Variants in SH2B2 observed in about 807,000 individuals in gnomAD.
SH2B2 encodes SH2B adapter protein 2.
SH2B2 carries 37 observed loss-of-function variants against 35.7 expected under a neutral mutation model. The observed-to-expected ratio is 1.04, with a 90% confidence interval of 0.80 to 1.36. SH2B2 has a LOEUF of 1.36. Ranked by LOEUF, SH2B2 falls within the 40% of genes most tolerant of loss-of-function variation. The probability of loss-of-function intolerance (pLI) is 0.00; values close to 1 mark genes in which losing one functional copy is unlikely to be tolerated. For missense variants in SH2B2, 852 were observed against 817.7 expected, an observed-to-expected ratio of 1.04 and a Z score of -0.51; for synonymous variants, 383 against 376.4, an observed-to-expected ratio of 1.02 and a Z score of -0.20.
intron 1 of SH2B2, among the ~76,000 whole-genome samples, chr7:102,289,145 C>T (rs1554551338): frequency 1.3e-5 from 2 of 152,204 alleles, no homozygotes; most frequent in Non-Finnish European, 2.9e-5. Context: ...CAGAGCAAGG[C>T]AGGGCATCGC....
chr7:102,288,791 A>G (rs1228039088), intron 1 of SH2B2, among the ~76,000 whole-genome samples: 1 of 152,098 alleles, frequency 6.6e-6, no homozygotes, highest in Non-Finnish European at 1.5e-5. Flanking sequence ...ATCCCCACAC[A>G]CTTAGGGAGG....
chr7:102,301,457 C>T (rs1441705006), intron 2 of SH2B2, among the ~76,000 whole-genome samples, 178 bp downstream of exon 2: 5 of 152,122 alleles, frequency 3.3e-5, no homozygotes, highest in Non-Finnish European at 5.9e-5. Flanking sequence ...ACAAGTCACC[C>T]CTTCAACCCC....
At chr7:102,302,153 G>A (rs1793219494) in intron 2 of SH2B2, among the ~76,000 whole-genome samples, 1 of 152,238 alleles carries the variant, frequency 6.6e-6, no homozygotes, top group African/African-American at 2.4e-5. Context: ...GAGCCACTGT[G>A]CCCAGCCCAG....
chr7:102,313,986 T>G (rs1793721685), intron 4 of SH2B2, among the ~76,000 whole-genome samples: 1 of 152,160 alleles, frequency 6.6e-6, no homozygotes, highest in South Asian at 2.1e-4. Context: ...GTGACCCACC[T>G]TGGGAAAAAG....
At position 102,301,309 on chromosome 7, in the gene SH2B2, G is replaced by A. The variant is rs371614763; in HGVS notation, c.729+30G>A. The A allele has an allele frequency of 2.7e-5, 43 of 1,579,078 alleles. No individual in the cohort carries two copies. In the East Asian group the frequency reaches 9.6e-4, roughly 35 times the overall value. ...GTTACCCCATAATCCCACCTAGCCT[G>A]GGGGGACCAGAGGAGGCACCTGGGC... On this transcript the variant is annotated intron_variant, in intron 2 of 8. Transcript: ENST00000444095.
chr7:102,296,426 C>G (rs1267519147), intron 1 of SH2B2, among the ~76,000 whole-genome samples: 1 of 152,190 alleles, frequency 6.6e-6, no homozygotes, highest in East Asian at 1.9e-4. Context: ...CGCTTGTCCC[C>G]CAACACTAAG....
rs782601903 is a variant in SH2B2 at position 102,320,327 on chromosome 7, A to C, written c.1396-4A>C. 19 of 1,609,088 alleles carry C rather than the reference A, an allele frequency of 1.2e-5. No individual in the cohort carries two copies. In the Middle Eastern group the frequency reaches 6.6e-4, roughly 56 times the overall value. On this transcript the variant is annotated splice_region_variant and splice_polypyrimidine_tract_variant and intron_variant, in intron 7 of 8. Transcript: ENST00000444095. ...CCCCTGACCACACCCACCTGTACCC[A>C]CAGCACCTGCGCCTGTCCCTGAACG...
chr7:102,300,548 G>C lies in SH2B2; in HGVS notation c.-3G>C. 6.5e-7 allele frequency: 1 copy of C among 1,543,778 alleles called. No individual in the cohort carries two copies. Among genetic ancestry groups the C allele is most frequent in the Non-Finnish European group, 8.7e-7 (1 of 1,145,692 alleles). The stretch of plus-strand genomic sequence containing the variant: ...CGCAGGTGGCTGCGATGGGACGGAA[G>C]CCATGAATGGTGCCGGCCCTGGCCC... On this transcript the variant is annotated 5_prime_UTR_variant, in exon 2 of 9. Transcript: ENST00000444095.
intron 7 of SH2B2, among the ~76,000 whole-genome samples, chr7:102,318,373 A>T (rs1429026854): frequency 1.3e-5 from 2 of 152,182 alleles, no homozygotes; most frequent in African/African-American, 2.4e-5. Flanking sequence ...TCCTGACCTC[A>T]GGTGATCCAC....
At position 102,297,193 on chromosome 7, in the gene SH2B2, T is replaced by C. The variant is rs1792951454; in HGVS notation, c.-29-3329T>C. Among the ~76,000 whole-genome samples the C allele has an allele frequency of 6.6e-6, 1 of 152,068 alleles. No individual in the cohort carries two copies. The highest frequency in any genetic ancestry group is 1.5e-5 in the Non-Finnish European group (1 of 68,018). ...TCTGCCTGGGATGTGAATTATCCCT[T>C]TGTCTGGCATATCCGCACTCTGGAT... On this transcript the variant is annotated intron_variant, in intron 1 of 8. Coordinates refer to ENST00000444095, the MANE Select transcript of SH2B2 (RefSeq NM_001359228.2). This position sits in a 1 kb window ranked among gnomAD's most constrained non-coding sequence, Gnocchi z 4.3.
At position 102,321,388 on chromosome 7, in the gene SH2B2, G is replaced by GCCGCCTGC; in HGVS notation, c.1667_1674dup (p.Ser559ArgfsTer92). 5 of 1,386,798 alleles carry GCCGCCTGC rather than the reference G, an allele frequency of 3.6e-6. No individual in the cohort carries two copies. The highest frequency in any genetic ancestry group is 4.7e-6 in the Non-Finnish European group (5 of 1,070,006). The allele number at this position is 1,386,798 out of a possible 1,614,324, so 85.9% of individuals were successfully genotyped here. ...GCACTACTTCTCCAGCCTCGCCGCG[G>GCCGCCTGC]CCGCCTGCCCGCCTGCCTCGCCCTC... On this transcript the variant is annotated frameshift_variant, in exon 9 of 9. Coordinates refer to ENST00000444095, the MANE Select transcript of SH2B2 (RefSeq NM_001359228.2). LOFTEE classifies it low-confidence loss of function (END_TRUNC).
At chr7:102,313,637 G>A (rs1037643881) in intron 4 of SH2B2, among the ~76,000 whole-genome samples, 19 of 151,144 alleles carry the variant, frequency 1.3e-4, no homozygotes, top group Non-Finnish European at 1.9e-4. Context: ...TAGGTTGGCC[G>A]GGCGCAGTGG....
chr7:102,287,428 A>C (rs528350345), intron 1 of SH2B2, among the ~76,000 whole-genome samples: 68 of 152,112 alleles, frequency 4.5e-4, no homozygotes, highest in Middle Eastern at 6.8e-3. Context: ...GGGTCCTTAG[A>C]GGAGGGGTCT....
At chr7:102,311,155 A>G (rs890211723) in intron 4 of SH2B2, among the ~76,000 whole-genome samples, 20 of 152,072 alleles carry the variant, frequency 1.3e-4, no homozygotes, top group African/African-American at 4.6e-4. Flanking sequence ...CAGTGGTGCA[A>G]TCAAGCTCAC....
intron 7 of SH2B2, among the ~76,000 whole-genome samples, chr7:102,317,995 C>T (rs535553099): frequency 6.6e-6 from 1 of 152,016 alleles, no homozygotes; most frequent in South Asian, 2.1e-4. Flanking sequence ...CAGAGACCTG[C>T]AGGGGAGGGA....
At chr7:102,307,585 G>C (rs1230523880) in intron 3 of SH2B2, among the ~76,000 whole-genome samples, 1 of 151,922 alleles carries the variant, frequency 6.6e-6, no homozygotes. Context: ...TCCCAGGCTG[G>C]GGGCTGGGGA....
chr7:102,285,683 A>AT (rs1792416369), upstream of SH2B2, among the ~76,000 whole-genome samples: 1 of 152,326 alleles, frequency 6.6e-6, no homozygotes, highest in African/African-American at 2.4e-5. Context: ...GAGATGGGAA[A>AT]TGGCTCTGGG....
chr7:102,294,089 C>T (rs150632772), intron 1 of SH2B2, among the ~76,000 whole-genome samples: 2 of 152,040 alleles, frequency 1.3e-5, no homozygotes, highest in Non-Finnish European at 2.9e-5. Context: ...GGAGTGCAGT[C>T]GTGCAATCTC....
chr7:102,301,935 G>A (rs1173816047), intron 2 of SH2B2, among the ~76,000 whole-genome samples: 8 of 152,150 alleles, frequency 5.3e-5, no homozygotes, highest in Non-Finnish European at 7.4e-5. Flanking sequence ...GTACAATCAT[G>A]GCTCACTGCA....
Sources: gnomAD v4.1 joint callset for allele counts (sites outside exome capture counted in the v4.1 genomes callset) on GRCh38, gnomAD v4.1.1 for gene constraint, Gnocchi (gnomAD v3.1) non-coding constraint, MANE v1.5 for transcripts, NCBI Gene and HGNC (gene_info 2026-07-23, HGNC 2026-07-21) for gene names.